Variants in SNW1 observed in about 807,000 individuals in gnomAD.
SNW1 encodes SNW domain containing 1, also known as SNW domain-containing protein 1.
In SNW1, 9 loss-of-function variants were observed where a neutral mutation model predicts 75.6. The ratio of observed to expected loss-of-function variants is 0.12; its 90% CI spans 0.07 to 0.21. The LOEUF is 0.21. Ranked by LOEUF, SNW1 falls within the 10% of genes least tolerant of loss-of-function variation. SNW1 has a pLI of 1.00. For synonymous variants in SNW1, 200 were observed against 219.1 expected (o/e 0.91, Z 0.77); for missense variants, 409 against 670.9 (o/e 0.61, Z 4.31).
At chr14:77,746,500 A>G (rs572056038) in intron 3 of SNW1, among the ~76,000 whole-genome samples, 1 of 152,240 alleles carries the variant, frequency 6.6e-6, no homozygotes, top group Non-Finnish European at 1.5e-5. Context: ...GAGAGAACAT[A>G]TGGGCAGTAT....
chr14:77,749,311 A>G (rs2080789286), intron 3 of SNW1, among the ~76,000 whole-genome samples: 2 of 152,360 alleles, frequency 1.3e-5, no homozygotes, highest in South Asian at 4.1e-4. Context: ...GCACCTCATC[A>G]AACTGGTTTA....
intron 1 of SNW1, 121 bp from the exon 2 acceptor site, chr14:77,755,241 G>A: frequency 1.2e-6 from 1 of 839,778 alleles, no homozygotes; most frequent in East Asian, 2.7e-5. Flanking sequence ...AAAAAGAGCA[G>A]ATTTTTCAAT....
rs144945894 is a variant in SNW1 at position 77,746,519 on chromosome 14, T to C, written c.330+4800A>G. 6.1e-4 allele frequency among the ~76,000 whole-genome samples: 93 copies of C among 152,334 alleles called. 4 individuals are homozygous for C. Among genetic ancestry groups the C allele is most frequent in the Middle Eastern group, 3.4e-3 (1 of 294 alleles). On this transcript the variant is annotated intron_variant, in intron 3 of 13. Transcript: ENST00000261531. ...GAACATATGGGCAGTATGTGTCACA[T>C]GTGAAATCTAAATAGCCTTTGAGCC...
chr14:77,725,343 T>A (rs1043624125), intron 10 of SNW1, among the ~76,000 whole-genome samples: 6 of 152,194 alleles, frequency 3.9e-5, no homozygotes, highest in African/African-American at 1.4e-4. Context: ...CGCAATCCCA[T>A]TTGTCTATAT....
chr14:77,757,616 C>A (rs184744598), intron 1 of SNW1, among the ~76,000 whole-genome samples: 1 of 152,152 alleles, frequency 6.6e-6, no homozygotes, highest in African/African-American at 2.4e-5. Context: ...TCCCCCAAAA[C>A]GCTCTACATA....
intron 3 of SNW1, among the ~76,000 whole-genome samples, chr14:77,744,184 G>A (rs2080740425): frequency 6.7e-6 from 1 of 150,142 alleles, no homozygotes; most frequent in Non-Finnish European, 1.5e-5. Flanking sequence ...TGGGCACAGC[G>A]ACTCACGCCT....
At chr14:77,737,991 C>CAAAAAAAA (rs35896717) in intron 5 of SNW1, among the ~76,000 whole-genome samples, 12 of 74,130 alleles carry the variant, frequency 1.6e-4, no homozygotes, top group African/African-American at 2.4e-4. Flanking sequence ...GACTCCATCT[C>CAAAAAAAA]AAAAAAAAAA....
chr14:77,741,964 A>T (rs2080722603), intron 3 of SNW1, among the ~76,000 whole-genome samples: 2 of 152,116 alleles, frequency 1.3e-5, no homozygotes, highest in East Asian at 1.9e-4. Flanking sequence ...AGATTCTAGT[A>T]TCTCACAAGG....
At position 77,761,101 on chromosome 14, in the gene SNW1, A is replaced by G. The variant is rs2080887930; in HGVS notation, c.14+13T>C. The G allele has an allele frequency of 6.2e-7, 1 of 1,614,222 alleles. No homozygotes were observed. Among genetic ancestry groups the G allele is most frequent in the Middle Eastern group, 1.6e-4 (1 of 6,062 alleles). The stretch of plus-strand genomic sequence containing the variant: ...AGACCCTTCCGTATCGAGGACCCCA[A>G]TCAACAACCCACCTGGTGAGCGCCA... On this transcript the variant is annotated intron_variant, in intron 1 of 13. Coordinates refer to ENST00000261531, the MANE Select transcript of SNW1 (RefSeq NM_012245.3).
intron 3 of SNW1, among the ~76,000 whole-genome samples, chr14:77,744,117 C>G (rs1158379301): frequency 7.5e-6 from 1 of 133,782 alleles, no homozygotes; most frequent in Non-Finnish European, 1.5e-5. Context: ...GCCTGGGTGA[C>G]AGAGTGAGAC....
At chr14:77,747,553 C>A (rs1594805420) in intron 3 of SNW1, among the ~76,000 whole-genome samples, 1 of 151,898 alleles carries the variant, frequency 6.6e-6, no homozygotes, top group African/African-American at 2.4e-5. Flanking sequence ...GTGAGGAGCA[C>A]CTCTGCCCAG....
chr14:77,743,390 T>C (rs887607983), intron 3 of SNW1, among the ~76,000 whole-genome samples: 1 of 152,206 alleles, frequency 6.6e-6, no homozygotes, highest in African/African-American at 2.4e-5. Context: ...AGACTTGTCC[T>C]AGAATATTAC....
intron 5 of SNW1, among the ~76,000 whole-genome samples, chr14:77,737,718 G>A (rs927149397): frequency 6.6e-6 from 1 of 152,044 alleles, no homozygotes; most frequent in African/African-American, 2.4e-5. Context: ...GGGCCAGGCC[G>A]GGTGGCTCAT....
chr14:77,726,740 G>C (rs1392030016), intron 10 of SNW1, among the ~76,000 whole-genome samples: 7 of 152,040 alleles, frequency 4.6e-5, no homozygotes, highest in Non-Finnish European at 1.0e-4. Flanking sequence ...CTTGAGCCTG[G>C]GAAGCGGAGG....
chr14:77,748,948 T>G (rs1211108371), intron 3 of SNW1, among the ~76,000 whole-genome samples: 2 of 152,200 alleles, frequency 1.3e-5, no homozygotes. Context: ...CTCCCAGGCT[T>G]TCAGCATAAA....
Position 77,736,549 on chromosome 14 carries a change from A to AAAAAACAAAAACAAAAAC in SNW1, c.638+404_638+421dup, listed in dbSNP as rs35573525. 1.5e-3 allele frequency among the ~76,000 whole-genome samples: 98 copies of AAAAAACAAAAACAAAAAC among 63,898 alleles called. 1 individual carries two copies. The highest frequency in any genetic ancestry group is 3.0e-3 in the Admixed American group (14 of 4,608). The allele number at this position is 63,898 out of a possible 152,430, so 41.9% of individuals were successfully genotyped here. Reference sequence around the variant, plus strand: ...GGGTGACAGAGCGAGACTGTCTCTCAAAAAACAAAAACAAAAACAAAAACA... The same window carrying AAAAAACAAAAACAAAAAC: ...GGGTGACAGAGCGAGACTGTCTCTCAAAAAACAAAAACAAAAACAAAAACAAAAACAAAAACAAAAACA... On this transcript the variant is annotated intron_variant, in intron 6 of 13. Transcript: ENST00000261531.
chr14:77,722,345 A>T, intron 11 of SNW1: 1 of 314,518 alleles, frequency 3.2e-6, no homozygotes, highest in Non-Finnish European at 6.3e-6. Flanking sequence ...AAATTATTTT[A>T]TGGATAGCTC....
intron 3 of SNW1, among the ~76,000 whole-genome samples, chr14:77,745,084 A>G (rs547182372): frequency 5.9e-5 from 9 of 152,196 alleles, no homozygotes; most frequent in Non-Finnish European, 1.0e-4. Flanking sequence ...AAATATAAAT[A>G]TATAATCCCT....
At chr14:77,759,964 T>TA (rs578016821) in intron 1 of SNW1, among the ~76,000 whole-genome samples, 13 of 145,854 alleles carry the variant, frequency 8.9e-5, no homozygotes, top group South Asian at 2.2e-4. Context: ...AAAATAAAGT[T>TA]AAAAAAAAAA....
Sources: gnomAD v4.1 joint callset for allele counts (sites outside exome capture counted in the v4.1 genomes callset) on GRCh38, gnomAD v4.1.1 for gene constraint, MANE v1.5 for transcripts, NCBI Gene and HGNC (gene_info 2026-07-23, HGNC 2026-07-21) for gene names.